LAMA4: variants seen among roughly 807,000 people sequenced by gnomAD.
LAMA4 encodes the protein laminin subunit alpha-4.
LAMA4 carries 127 observed loss-of-function variants against 207.1 expected under a neutral mutation model. The ratio of observed to expected loss-of-function variants is 0.61; its 90% CI spans 0.53 to 0.71. The LOEUF is 0.71. LAMA4 is among the 30% of genes least tolerant of loss of function. The probability of loss-of-function intolerance (pLI) is 0.00; values close to 1 mark genes in which losing one functional copy is unlikely to be tolerated. For missense variants in LAMA4, 2,093 were observed against 2,246.5 expected, an observed-to-expected ratio of 0.93 and a Z score of 1.38; for synonymous variants, 761 against 816.0, an observed-to-expected ratio of 0.93 and a Z score of 1.15.
chr6:112,144,857 G>T lies in LAMA4; in HGVS notation c.2430C>A (p.Asn810Lys). ...RTVEQKRPAS[N>K]VSASIQRIRE... ...GGATCCTCTGGATGCTGGCAGAAAC[G>T]TTGCTTGCAGGTCGCTTCTGCTCAA... The change falls in exon 19 of 39, where the codon AAC becomes AAA. Residue 810 changes from asparagine to lysine, a missense_variant. This residue lies in a region of LAMA4 where 1,704 missense variants were observed against 1,788.4 expected (regional missense o/e 0.95). Transcript: ENST00000230538. The T allele has an allele frequency of 6.2e-7, 1 of 1,614,006 alleles. No individual in the cohort carries two copies. The highest frequency in any genetic ancestry group is 8.5e-7 in the Non-Finnish European group (1 of 1,180,020).
chr6:112,149,240 T>C (rs1780226360), intron 17 of LAMA4, among the ~76,000 whole-genome samples: 1 of 152,136 alleles, frequency 6.6e-6, no homozygotes, highest in Non-Finnish European at 1.5e-5. Context: ...CTGAATCTGC[T>C]TCTTACTGGC....
intron 2 of LAMA4, chr6:112,216,842 T>C (rs1784654856): frequency 3.1e-6 from 1 of 326,344 alleles, no homozygotes; most frequent in African/African-American, 2.2e-5. Flanking sequence ...AATTAAGTAT[T>C]AGTCAGGGTG....
At chr6:112,169,690 A>G (rs1781600515) in intron 12 of LAMA4, among the ~76,000 whole-genome samples, 1 of 152,254 alleles carries the variant, frequency 6.6e-6, no homozygotes, top group African/African-American at 2.4e-5. Context: ...GTTCATTTGT[A>G]TGCAGTAGAA....
rs782168957 is a variant in LAMA4 at position 112,148,353 on chromosome 6, G to A, written c.2174-17C>T. ...GGGCATCCCCTTTACACAGAGCACA[G>A]GGTCATTCACTTTGCAGAGAAGCCG... On this transcript the variant is annotated splice_polypyrimidine_tract_variant and intron_variant, in intron 17 of 38. Coordinates refer to ENST00000230538, the MANE Select transcript of LAMA4 (RefSeq NM_001105206.3). The A allele has an allele frequency of 6.2e-7, 1 of 1,613,952 alleles. No individual in the cohort carries two copies. The highest frequency in any genetic ancestry group is 8.5e-7 in the Non-Finnish European group (1 of 1,179,894).
In LAMA4 at chr6:112,117,876, C is replaced by G; in HGVS notation, c.4844G>C (p.Ser1615Thr). The part of the protein sequence containing the change: ...NVQINSIYSF[S>T]GCLSNLQLNG... ...GAGCTGGAGATTGCTGAGACAGCCA[C>G]TAAAACTGTAGATGGAGTTAATCTG... Residue 1615 changes from serine (S) to threonine (T), a missense_variant, in exon 35 of 39, where the codon AGT becomes ACT. Physicochemically the swap from Ser to Thr is moderately conservative, Grantham distance 58. Around this residue, in one of 3 missense-constraint regions of LAMA4, gnomAD observed 383 missense variants for 437.8 expected, o/e 0.87. Transcript: ENST00000230538. The surrounding 1 kb of genome is among the most constrained non-coding windows in gnomAD (Gnocchi z 4.5). The G allele has an allele frequency of 6.2e-7, 1 of 1,613,496 alleles. No homozygotes were observed. The highest frequency in any genetic ancestry group is 8.5e-7 in the Non-Finnish European group (1 of 1,179,584).
intron 38 of LAMA4, 139 bp from the exon 39 acceptor site, chr6:112,109,721 G>C: frequency 1.1e-6 from 1 of 887,470 alleles, no homozygotes; most frequent in Non-Finnish European, 1.7e-6. Flanking sequence ...AGTTATAATT[G>C]ACTCATTTCT....
Position 112,129,865 on chromosome 6 carries a change from A to G in LAMA4, c.4133+11T>C, listed in dbSNP as rs1554328997. ...AATCATGCAGATTCATTAATAATAAAAATATTATACCTGGTAAAGTAGGCA... is the reference window on the plus strand; with the variant it reads ...AATCATGCAGATTCATTAATAATAAGAATATTATACCTGGTAAAGTAGGCA... On this transcript the variant is annotated intron_variant, in intron 30 of 38. Transcript: ENST00000230538. The G allele has an allele frequency of 6.5e-7, 1 of 1,538,840 alleles. No individual in the cohort carries two copies. The highest frequency in any genetic ancestry group is 8.8e-7 in the Non-Finnish European group (1 of 1,130,212).
chr6:112,238,285 T>C (rs1242099069), intron 2 of LAMA4, among the ~76,000 whole-genome samples: 1 of 152,164 alleles, frequency 6.6e-6, no homozygotes, highest in Non-Finnish European at 1.5e-5. Flanking sequence ...CTTGCTGAGG[T>C]AGTGTGCACC....
intron 2 of LAMA4, among the ~76,000 whole-genome samples, chr6:112,241,776 AGAGAAG>A (rs1300619270): frequency 6.6e-6 from 1 of 152,232 alleles, no homozygotes; most frequent in Non-Finnish European, 1.5e-5. Flanking sequence ...CGGCTCTGAT[AGAGAAG>A]GAGACACAGA....
chr6:112,180,617 C>A (rs1782299919), intron 9 of LAMA4, among the ~76,000 whole-genome samples: 1 of 152,146 alleles, frequency 6.6e-6, no homozygotes, highest in Non-Finnish European at 1.5e-5. Context: ...TCTTCTTGTA[C>A]ATATTTGACA....
chr6:112,206,917 G>A, intron 4 of LAMA4, 104 bp downstream of exon 4: 1 of 1,373,998 alleles, frequency 7.3e-7, no homozygotes, highest in South Asian at 1.2e-5. Context: ...GGTTTTGCCT[G>A]TGGAGAAACC....
chr6:112,129,004 C>A lies in LAMA4; in HGVS notation c.4205G>T (p.Cys1402Phe). The stretch of plus-strand genomic sequence containing the variant: ...AAACAATGGTGAAGACTCAATGGGA[C>A]ACTCATAAAGAGAAGTGTGGACCTT... ...TEKVHTSLYE[C>F]PIESSPLFLL... is the part of the protein sequence containing the mutation. Residue 1402 changes from cysteine to phenylalanine, a missense_variant, in exon 31 of 39, where the codon TGT becomes TTT. Cys to Phe is a radical substitution (Grantham distance 205). This residue lies in a region of LAMA4 where 1,704 missense variants were observed against 1,788.4 expected (regional missense o/e 0.95). Coordinates refer to ENST00000230538, the MANE Select transcript of LAMA4 (RefSeq NM_001105206.3). The A allele has an allele frequency of 2.5e-6, 4 of 1,612,454 alleles. No homozygotes were observed. Among genetic ancestry groups the A allele is most frequent in the Middle Eastern group, 1.7e-4 (1 of 6,054 alleles).
chr6:112,110,370 G>A (rs755508294), intron 38 of LAMA4, among the ~76,000 whole-genome samples: 17 of 152,168 alleles, frequency 1.1e-4, no homozygotes, highest in Non-Finnish European at 2.1e-4. Flanking sequence ...ACAGCTATGT[G>A]AGCAGTAGCA....
chr6:112,230,972 C>A (rs74323626), intron 2 of LAMA4, among the ~76,000 whole-genome samples: 1 of 152,106 alleles, frequency 6.6e-6, no homozygotes, highest in Non-Finnish European at 1.5e-5. Flanking sequence ...CATTAGTGCT[C>A]TAGTCACTCA....
At chr6:112,236,192 C>T (rs1328852453) in intron 2 of LAMA4, 2 of 152,158 alleles carry the variant, frequency 1.3e-5, no homozygotes, top group Non-Finnish European at 2.9e-5. Context: ...CAACTTCTAG[C>T]TCTGGTTTCT....
In LAMA4 at chr6:112,253,963, G is replaced by A. The variant is rs370868386; in HGVS notation, c.188C>T (p.Ala63Val). Residue 63 changes from alanine (A) to valine (V), a missense_variant, in exon 2 of 39, where the codon GCG becomes GTG. Around this residue, in one of 3 missense-constraint regions of LAMA4, gnomAD observed 1,704 missense variants for 1,788.4 expected, o/e 0.95. Coordinates refer to ENST00000230538, the MANE Select transcript of LAMA4 (RefSeq NM_001105206.3). Reference sequence around the variant, plus strand: ...ATGGCAGGGACACTGTACCTCGGCCGCAGGCGGCAGGCGTCCCAGAGCCAC... The same window carrying A: ...ATGGCAGGGACACTGTACCTCGGCCACAGGCGGCAGGCGTCCCAGAGCCAC... ...PRVALGRLPP[A>V]AEKCNAGFFH... The A allele has an allele frequency of 1.8e-5, 29 of 1,589,360 alleles. No individual in the cohort carries two copies. In the Middle Eastern group the frequency reaches 8.3e-4, roughly 45 times the overall value.
rs115330701 is a variant in LAMA4 at position 112,180,046 on chromosome 6, G to A, written c.1078-1814C>T. On this transcript the variant is annotated intron_variant, in intron 9 of 38. Coordinates refer to ENST00000230538, the MANE Select transcript of LAMA4 (RefSeq NM_001105206.3). The stretch of plus-strand genomic sequence containing the variant: ...ACTCCTCCCTGCTTTTAAAAAATAC[G>A]GACACAAGCATTTAAAATTTTAGAA... The A allele has an allele frequency of 1.2e-3, 482 of 398,534 alleles. 3 individuals carry two copies. The highest frequency in any genetic ancestry group is 8.8e-3 in the African/African-American group (411 of 46,750). The allele number at this position is 398,534 out of a possible 1,614,324, so 24.7% of individuals were successfully genotyped here. A position where few individuals can be genotyped will look rare whatever the true frequency, so the allele number is the denominator to read the frequency against.
chr6:112,131,153 G>C (rs781856219), intron 28 of LAMA4, 52 bp from the exon 29 acceptor site: 6 of 1,575,300 alleles, frequency 3.8e-6, no homozygotes, highest in Non-Finnish European at 5.2e-6. Context: ...TCCAAAAGAC[G>C]GAAATGTTTT....
chr6:112,167,840 T>TCACACA lies in LAMA4; in HGVS notation c.1552-2570_1552-2565dup, dbSNP rs71021873. ...GTGGGGTTAGACTAGATGCATACCA[T>TCACACA]CACACACACACACACACACACACAC... On this transcript the variant is annotated intron_variant, in intron 12 of 38. Coordinates refer to ENST00000230538, the MANE Select transcript of LAMA4 (RefSeq NM_001105206.3). 3.2e-3 allele frequency among the ~76,000 whole-genome samples: 397 copies of TCACACA among 125,928 alleles called. 6 individuals are homozygous for TCACACA. The highest frequency in any genetic ancestry group is 7.9e-3 in the South Asian group (26 of 3,288). 82.6% of individuals were successfully genotyped at this position (125,928 alleles called of 152,430 possible). A position where few individuals can be genotyped will look rare whatever the true frequency, so the allele number is the denominator to read the frequency against.
Sources: gnomAD v4.1 joint callset for allele counts (sites outside exome capture counted in the v4.1 genomes callset) on GRCh38, gnomAD v4.1.1 for gene constraint, gnomAD v4.1.1 regional missense constraint, Gnocchi (gnomAD v3.1) non-coding constraint, MANE v1.5 for transcripts, NCBI Gene and HGNC (gene_info 2026-07-23, HGNC 2026-07-21) for gene names.